HGD: variants seen among roughly 807,000 people sequenced by gnomAD.
HGD encodes homogentisate oxidase.
HGD carries 61 observed loss-of-function variants against 60.8 expected under a neutral mutation model. The observed-to-expected ratio is 1.00, with a 90% confidence interval of 0.82 to 1.24. The LOEUF is 1.24. HGD is among the 50% of genes most tolerant of loss of function. The pLI is 0.00. For missense variants in HGD, 542 were observed against 547.1 expected (o/e 0.99, Z 0.09); for synonymous variants, 212 against 187.7 (o/e 1.13, Z -1.06).
chr3:120,675,956 G>A, intron 1 of HGD, 93 bp from the exon 2 acceptor site: 1 of 873,248 alleles, frequency 1.1e-6, no homozygotes, highest in Non-Finnish European at 2.0e-6. Context: ...ATTTCTATAT[G>A]GACCTATGTT....
At chr3:120,658,350 T>G (rs1425678199) in intron 4 of HGD, among the ~76,000 whole-genome samples, 2 of 152,206 alleles carry the variant, frequency 1.3e-5, no homozygotes, top group East Asian at 1.9e-4. Context: ...ATAGGCCCCG[T>G]GCATGTCTGA....
rs120074171 is a variant in HGD at position 120,638,471 on chromosome 3, C to T, written c.990G>A (p.Arg330=). ...PRWGVADKTF[R]PPYYHRNCMS... Reference sequence around the variant, plus strand: ...GAGACTTACTATGGTAATAAGGAGGCCTGAAGGTCTTATCAGCAACCCCCC... The same window carrying T: ...GAGACTTACTATGGTAATAAGGAGGTCTGAAGGTCTTATCAGCAACCCCCC... Residue 330 remains arginine (R), a synonymous_variant, in exon 12 of 14, where the codon AGG becomes AGA. Coordinates refer to ENST00000283871, the MANE Select transcript of HGD (RefSeq NM_000187.4). 2.5e-6 allele frequency: 4 copies of T among 1,613,772 alleles called. No homozygotes were observed. Among genetic ancestry groups the T allele is most frequent in the Non-Finnish European group, 3.4e-6 (4 of 1,179,890 alleles).
At chr3:120,668,095 T>C (rs1707941296) in intron 4 of HGD, among the ~76,000 whole-genome samples, 2 of 152,268 alleles carry the variant, frequency 1.3e-5, no homozygotes, top group Non-Finnish European at 1.5e-5. Flanking sequence ...CATTTTGCAA[T>C]GTGCTTAAAG....
At chr3:120,649,394 C>T (rs779779516) in intron 6 of HGD, among the ~76,000 whole-genome samples, 1 of 151,970 alleles carries the variant, frequency 6.6e-6, no homozygotes, top group Non-Finnish European at 1.5e-5. Flanking sequence ...CCGCCCACCT[C>T]GGCCTCTCAA....
chr3:120,674,965 T>G lies in HGD; in HGVS notation c.112A>C (p.Asn38His). The G allele has an allele frequency of 3.7e-6, 6 of 1,611,574 alleles. No homozygotes were observed. Among genetic ancestry groups the G allele is most frequent in the Non-Finnish European group, 5.1e-6 (6 of 1,177,998 alleles). ...CCTGAGAGCTGCTCAGCATAGAGAT[T>G]GTAGGGGCAGACCTGAGGATTATTC... Reference protein sequence around the residue: ...GQNNPQVCPYNLYAEQLSGSA... With the variant: ...GQNNPQVCPYHLYAEQLSGSA... The change falls in exon 3 of 14, where the codon AAT becomes CAT. Residue 38 changes from asparagine to histidine, a missense_variant. Asn to His is a moderately conservative substitution (Grantham distance 68). Coordinates refer to ENST00000283871, the MANE Select transcript of HGD (RefSeq NM_000187.4).
At chr3:120,638,348 C>T (rs1940848501) in intron 12 of HGD, 107 bp downstream of exon 12, 1 of 1,357,128 alleles carries the variant, frequency 7.4e-7, no homozygotes, top group Non-Finnish European at 1.1e-6. Flanking sequence ...GAATTCATGC[C>T]ATGGTGGGTG....
At chr3:120,667,367 A>G (rs1010206332) in intron 4 of HGD, among the ~76,000 whole-genome samples, 2 of 151,042 alleles carry the variant, frequency 1.3e-5, no homozygotes, top group African/African-American at 4.9e-5. Context: ...AGCTAGAAAA[A>G]TTCTATTAGA....
At chr3:120,668,664 T>A (rs991776382) in intron 4 of HGD, among the ~76,000 whole-genome samples, 10 of 152,236 alleles carry the variant, frequency 6.6e-5, no homozygotes, top group African/African-American at 2.2e-4. Flanking sequence ...ATCAGAATCA[T>A]GGTTCTTGCC....
rs1470425557 is a variant in HGD at position 120,675,950 on chromosome 3, C to G, written c.16-87G>C. 84 of 882,006 alleles carry G rather than the reference C, an allele frequency of 9.5e-5. No homozygotes were observed. In the East Asian group the frequency reaches 2.0e-3, roughly 21 times the overall value. The allele number at this position is 882,006 out of a possible 1,614,324, so 54.6% of individuals were successfully genotyped here. A position where few individuals can be genotyped will look rare whatever the true frequency, so the allele number is the denominator to read the frequency against. On this transcript the variant is annotated intron_variant, in intron 1 of 13. Coordinates refer to ENST00000283871, the MANE Select transcript of HGD (RefSeq NM_000187.4). ...TGGCAGTTTACTAAGGTAAGAATTT[C>G]TATATGGACCTATGTTTGTGTATGA...
At chr3:120,637,649 TC>T (rs1354810318) in intron 12 of HGD, among the ~76,000 whole-genome samples, 1 of 152,122 alleles carries the variant, frequency 6.6e-6, no homozygotes, top group African/African-American at 2.4e-5. Context: ...TTCTTATTTC[TC>T]TGGTTCTCTG....
At chr3:120,650,004 G>A (rs894857180) in intron 6 of HGD, among the ~76,000 whole-genome samples, 2 of 152,140 alleles carry the variant, frequency 1.3e-5, no homozygotes, top group Non-Finnish European at 2.9e-5. Context: ...CTAAGAATGA[G>A]GAAAGACAAG....
intron 5 of HGD, among the ~76,000 whole-genome samples, chr3:120,652,312 C>T (rs1238925024): frequency 2.0e-5 from 3 of 151,498 alleles, no homozygotes; most frequent in Non-Finnish European, 4.4e-5. Flanking sequence ...TAAAAGCCCC[C>T]GTTCTAGCCA....
rs149215530 is a variant in HGD, at chr3:120,655,597, T to C, written c.283-2946A>G. Among the ~76,000 whole-genome samples the C allele has an allele frequency of 3.7e-3, 560 of 152,276 alleles. 1 individual carries two copies. The highest frequency in any genetic ancestry group is 0.013 in the African/African-American group (539 of 41,562). On this transcript the variant is annotated intron_variant, in intron 4 of 13. Coordinates refer to ENST00000283871, the MANE Select transcript of HGD (RefSeq NM_000187.4). ...CAGAGATTTTGGTCAGGAGCGCTGA[T>C]GTGATATTTTGATAAGTGTGAGGAG...
intron 3 of HGD, among the ~76,000 whole-genome samples, chr3:120,674,115 C>T (rs1345596418): frequency 6.6e-6 from 1 of 152,194 alleles, no homozygotes. Context: ...CCCTACTAAG[C>T]AGTACAAGAC....
At chr3:120,679,015 C>T (rs145282391) in intron 1 of HGD, among the ~76,000 whole-genome samples, 1 of 152,318 alleles carries the variant, frequency 6.6e-6, no homozygotes, top group East Asian at 1.9e-4. Flanking sequence ...ATGTTTTCTA[C>T]AGTTCGGATT....
intron 11 of HGD, among the ~76,000 whole-genome samples, chr3:120,640,476 G>A (rs961621708): frequency 2.0e-5 from 3 of 152,206 alleles, no homozygotes; most frequent in African/African-American, 7.2e-5. Context: ...TTAATCCTAA[G>A]CCATGGGAAG....
chr3:120,635,981 TA>T (rs1176471186), intron 12 of HGD, among the ~76,000 whole-genome samples: 2 of 151,864 alleles, frequency 1.3e-5, no homozygotes, highest in African/African-American at 4.8e-5. Context: ...GTGAAAAATG[TA>T]GATTCTGGCC....
At chr3:120,667,321 T>C (rs368393478) in intron 4 of HGD, among the ~76,000 whole-genome samples, 15 of 109,572 alleles carry the variant, frequency 1.4e-4, no homozygotes, top group African/African-American at 5.7e-4. Flanking sequence ...GTGAGACTCT[T>C]GTCTCAAAAA....
intron 3 of HGD, 104 bp from the exon 4 acceptor site, chr3:120,670,636 C>T (rs1256652122): frequency 5.2e-6 from 4 of 769,636 alleles, no homozygotes; most frequent in African/African-American, 3.4e-5. Context: ...AAGTCAACAA[C>T]GACCTGTAGG....
Sources: gnomAD v4.1 joint callset for allele counts (sites outside exome capture counted in the v4.1 genomes callset) on GRCh38, gnomAD v4.1.1 for gene constraint, MANE v1.5 for transcripts, NCBI Gene and HGNC (gene_info 2026-07-23, HGNC 2026-07-21) for gene names.